Variants in FANK1 observed in about 807,000 individuals in gnomAD.
The protein encoded by FANK1 is fibronectin type 3 and ankyrin repeat domains protein 1.
Under a neutral mutation model 45.3 loss-of-function variants are expected in FANK1, and 44 were observed. The observed-to-expected ratio is 0.97, with a 90% CI of 0.76 to 1.25. The LOEUF is 1.25. Among genes scored for constraint, FANK1 ranks in the 50% most tolerant of loss-of-function variants. The pLI is 0.00. For synonymous variants in FANK1, 149 were observed against 152.5 expected (o/e 0.98, Z 0.17); for missense variants, 391 against 424.4 (o/e 0.92, Z 0.69).
intron 1 of FANK1, among the ~76,000 whole-genome samples, chr10:125,966,189 C>T (rs929311697): frequency 1.3e-5 from 2 of 152,142 alleles, no homozygotes; most frequent in African/African-American, 4.8e-5. Flanking sequence ...TAGAGGAAAG[C>T]AACTTTTGGG....
chr10:126,003,710 C>T (rs2134228959), intron 6 of FANK1, among the ~76,000 whole-genome samples: 1 of 151,806 alleles, frequency 6.6e-6, no homozygotes, highest in Admixed American at 6.6e-5. Flanking sequence ...GAGTCTTGCT[C>T]TCTCTCCCAG....
At chr10:125,976,540 A>G (rs1344482307) in intron 1 of FANK1, among the ~76,000 whole-genome samples, 2 of 151,610 alleles carry the variant, frequency 1.3e-5, no homozygotes, top group African/African-American at 2.4e-5. Flanking sequence ...TGACTGTCCT[A>G]TTTCAGAGAA....
chr10:125,951,479 A>G (rs867853099), intron 1 of FANK1, among the ~76,000 whole-genome samples: 1 of 152,192 alleles, frequency 6.6e-6, no homozygotes, highest in African/African-American at 2.4e-5. Context: ...AGTTCAAGGT[A>G]CTTAGGGACG....
intron 1 of FANK1, among the ~76,000 whole-genome samples, chr10:125,907,279 C>T (rs149462671): frequency 7.8e-4 from 118 of 152,200 alleles, no homozygotes; most frequent in African/African-American, 2.6e-3. Flanking sequence ...CTAACTTGTG[C>T]CTAATTAGTT....
At chr10:125,996,992 ACT>A in intron 5 of FANK1, among the ~76,000 whole-genome samples, 1 of 152,126 alleles carries the variant, frequency 6.6e-6, no homozygotes, top group South Asian at 2.1e-4. Flanking sequence ...TCACAGATAC[ACT>A]CTCATTATCT....
At chr10:125,929,542 G>C (rs1249004954) in intron 1 of FANK1, among the ~76,000 whole-genome samples, 1 of 152,072 alleles carries the variant, frequency 6.6e-6, no homozygotes, top group Admixed American at 6.6e-5. Flanking sequence ...ATATTTTGGG[G>C]TATTTTTTTG....
chr10:126,003,438 A>G (rs980868647), intron 6 of FANK1, among the ~76,000 whole-genome samples: 2 of 152,106 alleles, frequency 1.3e-5, no homozygotes, highest in East Asian at 1.9e-4. Flanking sequence ...TCAGGTTAAC[A>G]CTTTAGCAAG....
intron 3 of FANK1, among the ~76,000 whole-genome samples, chr10:125,990,141 C>T (rs1469512565): frequency 6.6e-6 from 1 of 152,210 alleles, no homozygotes. Context: ...GAGCAGTATT[C>T]CCCCACCTCT....
intron 1 of FANK1, among the ~76,000 whole-genome samples, chr10:125,926,068 A>G (rs1947323266): frequency 6.6e-6 from 1 of 152,154 alleles, no homozygotes; most frequent in Non-Finnish European, 1.5e-5. Flanking sequence ...TATTTAAGTT[A>G]TGAAAGTCTA....
At chr10:125,940,026 T>A (rs1246804849) in intron 1 of FANK1, among the ~76,000 whole-genome samples, 1 of 151,878 alleles carries the variant, frequency 6.6e-6, no homozygotes, top group Non-Finnish European at 1.5e-5. Flanking sequence ...CACCTCTTAA[T>A]CTTAATCCAT....
At chr10:125,910,210 T>G (rs1238493926) in intron 1 of FANK1, among the ~76,000 whole-genome samples, 1 of 152,238 alleles carries the variant, frequency 6.6e-6, no homozygotes, top group Non-Finnish European at 1.5e-5. Flanking sequence ...CTGGCATTCC[T>G]GGTAACATAT....
In FANK1 at chr10:125,984,915, G is replaced by A. The variant is rs572033419; in HGVS notation, c.192-3636G>A. On this transcript the variant is annotated intron_variant, in intron 2 of 10. Coordinates refer to ENST00000368693, the MANE Select transcript of FANK1 (RefSeq NM_145235.5). The stretch of plus-strand genomic sequence containing the variant: ...TAGGTAAAGTTGCGCTTCTCCATGG[G>A]TTCAATGAACTGCTCTCATGAGTCC... Among the ~76,000 whole-genome samples, 504 of 152,256 alleles carry A rather than the reference G, an allele frequency of 3.3e-3. 2 individuals are homozygous for A. Among genetic ancestry groups the A allele is most frequent in the African/African-American group, 0.012 (495 of 41,548 alleles).
In FANK1 at chr10:125,976,135, T is replaced by A. The variant is rs61870955; in HGVS notation, c.14-4026T>A. 3.5e-3 allele frequency among the ~76,000 whole-genome samples: 539 copies of A among 151,864 alleles called. 4 individuals carry two copies. Among genetic ancestry groups the A allele is most frequent in the African/African-American group, 0.011 (469 of 41,394 alleles). On this transcript the variant is annotated intron_variant, in intron 1 of 10. Transcript: ENST00000368693. Reference sequence around the variant, plus strand: ...TGGTTGAAGATTTTTTTTTTTTTTTTAAAGAATGTTGAATATAGGCCTCTA... The same window carrying A: ...TGGTTGAAGATTTTTTTTTTTTTTTAAAAGAATGTTGAATATAGGCCTCTA...
chr10:125,933,964 T>A (rs971820659), intron 1 of FANK1, among the ~76,000 whole-genome samples: 2 of 152,204 alleles, frequency 1.3e-5, no homozygotes, highest in African/African-American at 4.8e-5. Flanking sequence ...TTGGAGTTGA[T>A]TTTCGATTTT....
At chr10:125,911,095 A>G (rs1733867994) in intron 1 of FANK1, among the ~76,000 whole-genome samples, 1 of 152,094 alleles carries the variant, frequency 6.6e-6, no homozygotes, top group Admixed American at 6.5e-5. Flanking sequence ...ATTACTTTAC[A>G]TAGCCAAAGG....
chr10:125,958,457 C>G (rs1392221791), intron 1 of FANK1, among the ~76,000 whole-genome samples: 1 of 152,178 alleles, frequency 6.6e-6, no homozygotes, highest in African/African-American at 2.4e-5. Context: ...GGCTAGGTCT[C>G]GAACTCCTGG....
intron 1 of FANK1, among the ~76,000 whole-genome samples, chr10:125,920,082 C>G (rs909950919): frequency 1.3e-5 from 2 of 152,038 alleles, no homozygotes; most frequent in Non-Finnish European, 2.9e-5. Context: ...TGACTCCTGT[C>G]TCTCGTACTC....
At chr10:125,950,878 T>C (rs1224104171) in intron 1 of FANK1, among the ~76,000 whole-genome samples, 1 of 149,492 alleles carries the variant, frequency 6.7e-6, no homozygotes, top group African/African-American at 2.5e-5. Context: ...ATTAAGAAAA[T>C]GTGGCACATA....
intron 2 of FANK1, 125 bp from the exon 3 acceptor site, chr10:125,988,426 A>C: frequency 7.6e-7 from 1 of 1,312,442 alleles, no homozygotes; most frequent in African/African-American, 1.5e-5. Flanking sequence ...TCAGCAAAGC[A>C]GGATCCATCG....
Sources: allele counts gnomAD v4.1 joint callset (sites outside exome capture counted in the v4.1 genomes callset), GRCh38; gene constraint gnomAD v4.1.1; transcripts MANE v1.5; gene names NCBI Gene and HGNC (gene_info 2026-07-23, HGNC 2026-07-21).